Variants in HDAC9 observed in about 807,000 individuals in gnomAD.
The protein encoded by HDAC9 is histone deacetylase 9.
A neutral mutation model predicts 139.4 loss-of-function variants in HDAC9; 41 were observed. That is an observed-to-expected ratio of 0.29 (90% CI 0.23 to 0.38). HDAC9 has a LOEUF of 0.38. HDAC9 is among the 10% of genes least tolerant of loss of function. The probability of loss-of-function intolerance (pLI) is 1.00; values close to 1 mark genes in which losing one functional copy is unlikely to be tolerated. For synonymous variants in HDAC9, 517 were observed against 476.2 expected (o/e 1.09, Z -1.12); for missense variants, 1,147 against 1,297.0 (o/e 0.88, Z 1.78).
intron 1 of HDAC9, among the ~76,000 whole-genome samples, chr7:18,432,835 C>T (rs1256793134): frequency 6.6e-6 from 1 of 151,960 alleles, no homozygotes; most frequent in Non-Finnish European, 1.5e-5. Flanking sequence ...CCTGTAGTCC[C>T]AGCTACTCGG....
intron 21 of HDAC9, among the ~76,000 whole-genome samples, chr7:18,865,481 G>C (rs1798422639): frequency 6.6e-6 from 1 of 152,156 alleles, no homozygotes. Context: ...ATTCAGGTCT[G>C]GGCTGGTGGA....
rs1188149874 is a variant in HDAC9, at chr7:18,478,076, C to CTT, written c.-41-18174_-41-18173dup. Among the ~76,000 whole-genome samples the CTT allele has an allele frequency of 6.8e-4, 98 of 145,136 alleles. 1 individual carries two copies. The highest frequency in any genetic ancestry group is 2.2e-3 in the African/African-American group (86 of 39,800). On this transcript the variant is annotated intron_variant, in intron 1 of 3. Coordinates refer to the HDAC9 transcript ENST00000413509. ...GGAAAAAACAAACAAACAAAAAAAA[C>CTT]TTTTTTTTTTTTTGAGATGGAGTCT...
At chr7:18,862,876 T>C (rs1224525443) in intron 21 of HDAC9, among the ~76,000 whole-genome samples, 1 of 152,012 alleles carries the variant, frequency 6.6e-6, no homozygotes, top group African/African-American at 2.4e-5. Flanking sequence ...ATGGAAAAAA[T>C]AGAAGCCGTA....
At chr7:18,577,264 G>A (rs1826273144) in intron 2 of HDAC9, among the ~76,000 whole-genome samples, 1 of 152,128 alleles carries the variant, frequency 6.6e-6, no homozygotes, top group African/African-American at 2.4e-5. Context: ...CTACCTTTCT[G>A]ACCTTTCATT....
chr7:18,255,182 C>T (rs568570661), intron 2 of HDAC9, among the ~76,000 whole-genome samples: 1 of 152,188 alleles, frequency 6.6e-6, no homozygotes, highest in Non-Finnish European at 1.5e-5. Context: ...AGGATATTAA[C>T]AAAAAGCAGC....
chr7:18,760,728 G>C (rs1189002279), intron 14 of HDAC9, among the ~76,000 whole-genome samples: 1 of 152,144 alleles, frequency 6.6e-6, no homozygotes, highest in Non-Finnish European at 1.5e-5. Flanking sequence ...TACCCCTGCA[G>C]ACCCCCACCA....
chr7:18,688,307 T>C (rs1782425396), intron 12 of HDAC9, among the ~76,000 whole-genome samples: 1 of 151,850 alleles, frequency 6.6e-6, no homozygotes, highest in Admixed American at 6.6e-5. Context: ...AGCCTTAGTT[T>C]GACTGCTGAC....
intron 1 of HDAC9, among the ~76,000 whole-genome samples, chr7:18,490,044 C>T (rs1349281817): frequency 6.6e-6 from 1 of 152,024 alleles, no homozygotes; most frequent in African/African-American, 2.4e-5. Context: ...TCTTACCTAG[C>T]CTTACCTAGT....
Position 18,756,674 on chromosome 7 carries a change from T to G in HDAC9, c.2044-5483T>G, listed in dbSNP as rs535901129. 1.1e-4 allele frequency among the ~76,000 whole-genome samples: 16 copies of G among 152,368 alleles called. No homozygotes were observed. The South Asian group carries it at 3.1e-3, about 30-fold the overall frequency. ...GACATAATTTAGTCAAACATCTTTA[T>G]GTTCATAGATGAAGAAACAAAGGCC... On this transcript the variant is annotated intron_variant, in intron 14 of 25. Transcript: ENST00000686413.
At chr7:18,362,790 G>T (rs931934545) in intron 1 of HDAC9, among the ~76,000 whole-genome samples, 2 of 152,070 alleles carry the variant, frequency 1.3e-5, no homozygotes, top group African/African-American at 4.8e-5. Flanking sequence ...AAGTATTCAT[G>T]AGTCTCATAT....
intron 16 of HDAC9, among the ~76,000 whole-genome samples, chr7:18,784,957 GTGTGTGTGTGTGTGTGTC>G (rs1443497587): frequency 6.6e-6 from 1 of 151,684 alleles, no homozygotes; most frequent in Non-Finnish European, 1.5e-5. Context: ...GTGTGTGTGT[GTGTGTGTGTGTGTGTGTC>G]TGTGTGTGCA....
chr7:18,988,136 T>A (rs1412610167), intron 25 of HDAC9, among the ~76,000 whole-genome samples: 1 of 152,190 alleles, frequency 6.6e-6, no homozygotes, highest in Non-Finnish European at 1.5e-5. Flanking sequence ...GCTTTTCTAG[T>A]TCTTTTAATT....
At chr7:18,777,700 G>A (rs1334686814) in intron 16 of HDAC9, among the ~76,000 whole-genome samples, 1 of 151,890 alleles carries the variant, frequency 6.6e-6, no homozygotes, top group African/African-American at 2.4e-5. Flanking sequence ...AACCATTTTA[G>A]CAAAATAATA....
chr7:18,529,380 G>A (rs946129347), intron 2 of HDAC9, among the ~76,000 whole-genome samples: 1 of 152,162 alleles, frequency 6.6e-6, no homozygotes, highest in Non-Finnish European at 1.5e-5. Flanking sequence ...ATAAAAATGG[G>A]GAGGTATTGT....
chr7:18,717,750 C>G (rs1784814476), intron 12 of HDAC9, among the ~76,000 whole-genome samples: 1 of 151,958 alleles, frequency 6.6e-6, no homozygotes, highest in African/African-American at 2.4e-5. Context: ...CATAAACACA[C>G]ACAACATATA....
chr7:18,431,455 G>A (rs1004772119), intron 1 of HDAC9, among the ~76,000 whole-genome samples: 26 of 152,128 alleles, frequency 1.7e-4, no homozygotes, highest in African/African-American at 5.8e-4. Context: ...TTCTTCGTCC[G>A]TGACATGAAT....
intron 1 of HDAC9, among the ~76,000 whole-genome samples, chr7:18,149,541 T>C (rs1042074272): frequency 1.9e-4 from 28 of 150,404 alleles, no homozygotes; most frequent in African/African-American, 6.5e-4. Flanking sequence ...ATTTATTTAT[T>C]ATTTATTATT....
chr7:18,167,585 C>T (rs1037376740), intron 2 of HDAC9, among the ~76,000 whole-genome samples: 7 of 152,108 alleles, frequency 4.6e-5, no homozygotes, highest in Non-Finnish European at 5.9e-5. Flanking sequence ...CCCTTTGCCC[C>T]GGACAGCTTC....
At chr7:18,437,553 T>TTA (rs938795008) in intron 1 of HDAC9, among the ~76,000 whole-genome samples, 2 of 149,512 alleles carry the variant, frequency 1.3e-5, no homozygotes, top group Non-Finnish European at 1.5e-5. Context: ...AATCTGGAAA[T>TTA]TATATATATA....
Sources: gnomAD v4.1 joint callset for allele counts (sites outside exome capture counted in the v4.1 genomes callset) on GRCh38, gnomAD v4.1.1 for gene constraint, MANE v1.5 for transcripts, NCBI Gene and HGNC (gene_info 2026-07-23, HGNC 2026-07-21) for gene names.